Variants in TRIM2 observed in about 807,000 individuals in gnomAD.
TRIM2 encodes the protein tripartite motif-containing protein 2.
TRIM2 carries 20 observed loss-of-function variants against 75.2 expected under a neutral mutation model. The ratio of observed to expected loss-of-function variants is 0.27; its 90% CI spans 0.19 to 0.39. TRIM2 has a LOEUF of 0.39. Ranked by LOEUF, TRIM2 falls within the 10% of genes least tolerant of loss-of-function variation. The pLI is 1.00. For missense variants in TRIM2, 660 were observed against 990.8 expected, an observed-to-expected ratio of 0.67 and a Z score of 4.48; for synonymous variants, 373 against 388.3, an observed-to-expected ratio of 0.96 and a Z score of 0.46.
At chr4:153,196,705 A>G (rs2149671021) in intron 1 of TRIM2, among the ~76,000 whole-genome samples, 1 of 152,318 alleles carries the variant, frequency 6.6e-6, no homozygotes, top group East Asian at 1.9e-4. Flanking sequence ...TATTGATGAA[A>G]TGTTGCATTA....
chr4:153,309,040 G>A (rs940598775), intron 6 of TRIM2, among the ~76,000 whole-genome samples: 4 of 152,220 alleles, frequency 2.6e-5, no homozygotes, highest in African/African-American at 7.2e-5. Flanking sequence ...ACTATGCTGT[G>A]TTATAGGGTG....
At chr4:153,165,728 G>T (rs972758436) in intron 1 of TRIM2, among the ~76,000 whole-genome samples, 2 of 152,164 alleles carry the variant, frequency 1.3e-5, no homozygotes, top group African/African-American at 2.4e-5. Context: ...ACTATGCCCT[G>T]TGTTCCTTCT....
intron 6 of TRIM2, among the ~76,000 whole-genome samples, chr4:153,302,707 C>T (rs890134930): frequency 6.6e-6 from 1 of 152,156 alleles, no homozygotes; most frequent in Admixed American, 6.5e-5. Flanking sequence ...ACTTGAACTC[C>T]CTCTGTGCTC....
intron 6 of TRIM2, chr4:153,307,866 A>G (rs549204562): frequency 1.3e-6 from 1 of 742,348 alleles, no homozygotes; most frequent in East Asian, 2.5e-5. Flanking sequence ...AATTTTCAAC[A>G]TGTCCACTTC....
At chr4:153,262,483 T>C (rs965171082) in intron 1 of TRIM2, among the ~76,000 whole-genome samples, 4 of 152,244 alleles carry the variant, frequency 2.6e-5, no homozygotes, top group Non-Finnish European at 4.4e-5. Context: ...GAAAAATATC[T>C]TGAACACCAA....
In TRIM2 at chr4:153,338,877, G is replaced by T; in HGVS notation, c.*3911G>T. ...ATGGGAATGTTCTGTCATCAATGGA[G>T]TGTATTCTTGTAATAGAATTCTTTA... On this transcript the variant is annotated 3_prime_UTR_variant, in exon 12 of 12. Transcript: ENST00000338700. The T allele has an allele frequency of 7.1e-6, 7 of 985,406 alleles. No individual in the cohort carries two copies. Among genetic ancestry groups the T allele is most frequent in the Non-Finnish European group, 8.4e-6 (7 of 829,840 alleles). The allele number at this position is 985,406 out of a possible 1,614,324, so 61.0% of individuals were successfully genotyped here.
rs2149619814 is a variant in TRIM2, at chr4:153,339,046, T to G, written c.*4080T>G. On this transcript the variant is annotated 3_prime_UTR_variant, in exon 12 of 12. Transcript: ENST00000338700. The stretch of plus-strand genomic sequence containing the variant: ...GTTTTATGTATAGAACACTAAGTCT[T>G]GCACTCTCTGACATTGATACTGATA... The G allele has an allele frequency of 1.0e-6, 1 of 985,822 alleles. No individual in the cohort carries two copies. The highest frequency in any genetic ancestry group is 1.2e-6 in the Non-Finnish European group (1 of 829,908). 61.1% of individuals were successfully genotyped at this position (985,822 alleles called of 1,614,324 possible).
At chr4:153,242,280 A>G (rs979677893) in intron 1 of TRIM2, among the ~76,000 whole-genome samples, 11 of 151,730 alleles carry the variant, frequency 7.2e-5, no homozygotes, top group African/African-American at 2.4e-4. Flanking sequence ...TTAACTACAC[A>G]AAGTTGGTAC....
intron 1 of TRIM2, among the ~76,000 whole-genome samples, chr4:153,171,873 C>T (rs1414747476): frequency 6.2e-5 from 6 of 96,730 alleles, no homozygotes; most frequent in Non-Finnish European, 9.6e-5. Flanking sequence ...TATTTTAAAG[C>T]AAATCTCAGA....
chr4:153,229,036 G>A (rs1253129661), intron 1 of TRIM2, among the ~76,000 whole-genome samples: 3 of 152,148 alleles, frequency 2.0e-5, no homozygotes, highest in Admixed American at 6.5e-5. Context: ...GTGAGGGTAC[G>A]TGGGGCCCTG....
chr4:153,296,058 C>A (rs1762697428), intron 6 of TRIM2, 22 bp downstream of exon 6: 7 of 1,512,650 alleles, frequency 4.6e-6, no homozygotes, highest in Non-Finnish European at 6.2e-6. Context: ...GCTTCTGTGC[C>A]CGACGCCTGA....
At chr4:153,180,819 C>T (rs1731981758) in intron 1 of TRIM2, among the ~76,000 whole-genome samples, 1 of 152,250 alleles carries the variant, frequency 6.6e-6, no homozygotes, top group South Asian at 2.1e-4. Flanking sequence ...AAAGTACTAA[C>T]ACTCCTCTGC....
intron 1 of TRIM2, among the ~76,000 whole-genome samples, chr4:153,171,858 T>A (rs1238890671): frequency 2.0e-5 from 3 of 147,110 alleles, no homozygotes; most frequent in Non-Finnish European, 4.5e-5. Flanking sequence ...TTTTTTTCGC[T>A]AATGTATTTT....
At chr4:153,251,754 A>G (rs908855525) in intron 1 of TRIM2, among the ~76,000 whole-genome samples, 1 of 152,146 alleles carries the variant, frequency 6.6e-6, no homozygotes, top group Non-Finnish European at 1.5e-5. Flanking sequence ...TGAGATGGGC[A>G]TATCACTTGA....
chr4:153,210,453 G>A (rs1410520006), intron 1 of TRIM2, among the ~76,000 whole-genome samples: 1 of 152,144 alleles, frequency 6.6e-6, no homozygotes, highest in African/African-American at 2.4e-5. Flanking sequence ...AATCTGCAAG[G>A]CCATCTTTTT....
At chr4:153,194,112 G>A (rs1733520931) in intron 1 of TRIM2, among the ~76,000 whole-genome samples, 1 of 152,174 alleles carries the variant, frequency 6.6e-6, no homozygotes, top group Non-Finnish European at 1.5e-5. Flanking sequence ...GGTTGGGGAA[G>A]CAAGTGTGGG....
At position 153,259,572 on chromosome 4, in the gene TRIM2, A is replaced by G. The variant is rs1752903320; in HGVS notation, c.31-10763A>G. Among the ~76,000 whole-genome samples, 2 of 152,236 alleles carry G rather than the reference A, an allele frequency of 1.3e-5. 1 individual carries two copies. The highest frequency in any genetic ancestry group is 4.8e-5 in the African/African-American group (2 of 41,470). On this transcript the variant is annotated intron_variant, in intron 1 of 11. Transcript: ENST00000338700. Reference sequence around the variant, plus strand: ...ATGTGCTGCCAAATTATTTACTGTCATAGTTTTTTCTTCAAAAAATATGAC... The same window carrying G: ...ATGTGCTGCCAAATTATTTACTGTCGTAGTTTTTTCTTCAAAAAATATGAC...
intron 8 of TRIM2, among the ~76,000 whole-genome samples, chr4:153,321,496 A>G (rs970037887): frequency 6.6e-6 from 1 of 152,246 alleles, no homozygotes; most frequent in Admixed American, 6.5e-5. Flanking sequence ...AATACGGTAT[A>G]TGATTGATAG....
intron 1 of TRIM2, among the ~76,000 whole-genome samples, chr4:153,249,225 C>T (rs1368656457): frequency 6.6e-6 from 1 of 152,250 alleles, no homozygotes; most frequent in Non-Finnish European, 1.5e-5. Context: ...TTCGGAATAC[C>T]GGCGCGCAAT....
Sources: gnomAD v4.1 joint callset for allele counts (sites outside exome capture counted in the v4.1 genomes callset) on GRCh38, gnomAD v4.1.1 for gene constraint, MANE v1.5 for transcripts, NCBI Gene and HGNC (gene_info 2026-07-23, HGNC 2026-07-21) for gene names.